The following KIT variants were observed in gnomAD, a reference collection of about 807,000 sequenced individuals.
KIT encodes the protein mast/stem cell growth factor receptor Kit.
A neutral mutation model predicts 105.7 loss-of-function variants in KIT; 16 were observed. That is an observed-to-expected ratio of 0.15 (90% confidence interval 0.10 to 0.23). The LOEUF is 0.23. KIT is among the 10% of genes least tolerant of loss of function. KIT has a pLI of 1.00. For missense variants in KIT, 858 were observed against 1,213.8 expected (o/e 0.71, Z 4.36); for synonymous variants, 438 against 441.1 (o/e 0.99, Z 0.09).
chr4:54,726,779 ATGTT>A (rs1264721681), intron 9 of KIT, among the ~76,000 whole-genome samples: 1 of 149,198 alleles, frequency 6.7e-6, no homozygotes, highest in African/African-American at 2.5e-5. Flanking sequence ...TACCTTAAAA[ATGTT>A]TTTTTTTTTT....
At chr4:54,707,018 T>C in intron 5 of KIT, 80 bp from the exon 6 acceptor site, 2 of 777,488 alleles carry the variant, frequency 2.6e-6, no homozygotes, top group Non-Finnish European at 4.3e-6. Flanking sequence ...ATTGTTTTTG[T>C]AATTCCAAGA....
At chr4:54,720,177 C>T (rs62306777) in intron 7 of KIT, among the ~76,000 whole-genome samples, 1,867 of 152,214 alleles carry the variant, frequency 0.012, 18 homozygotes, top group Admixed American at 0.017. Flanking sequence ...CTTACTAGAT[C>T]TCTGGAGGTG....
At chr4:54,726,489 CA>C (rs2109771345) in intron 9 of KIT, among the ~76,000 whole-genome samples, 1 of 152,304 alleles carries the variant, frequency 6.6e-6, no homozygotes, top group African/African-American at 2.4e-5. Context: ...GTCATGTTAG[CA>C]AGTTATTTCT....
intron 7 of KIT, among the ~76,000 whole-genome samples, chr4:54,712,143 CTTTCTT>C (rs1721202174): frequency 6.6e-6 from 1 of 152,158 alleles, no homozygotes; most frequent in Non-Finnish European, 1.5e-5. Context: ...TGTTAAAAGA[CTTTCTT>C]TTCTAAGATT....
At position 54,723,608 on chromosome 4, in the gene KIT, A is replaced by C; in HGVS notation, c.1256A>C (p.Asp419Ala). The C allele has an allele frequency of 6.2e-7, 1 of 1,614,004 alleles. No individual in the cohort carries two copies. The highest frequency in any genetic ancestry group is 8.5e-7 in the Non-Finnish European group (1 of 1,179,892). ...VNTKPEILTY[D>A]RLVNGMLQCV... Reference sequence around the variant, plus strand: ...GCAAAACCAGAAATCCTGACTTACGACAGGCTCGTGAATGGCATGCTCCAA... The same window carrying C: ...GCAAAACCAGAAATCCTGACTTACGCCAGGCTCGTGAATGGCATGCTCCAA... The change falls in exon 8 of 21, where the codon GAC becomes GCC. Residue 419 changes from aspartate (D) to alanine (A), a missense_variant. Around this residue, in one of 7 missense-constraint regions of KIT, gnomAD observed 401 missense variants for 601.0 expected, o/e 0.67. Transcript: ENST00000288135.
intron 1 of KIT, among the ~76,000 whole-genome samples, chr4:54,678,294 T>C (rs1718632933): frequency 3.8e-5 from 1 of 26,392 alleles, no homozygotes; most frequent in Non-Finnish European, 7.3e-5. Context: ...GGCTCGCTCC[T>C]TCCTTCCTTC....
intron 1 of KIT, among the ~76,000 whole-genome samples, chr4:54,665,140 TTGTC>T (rs1277356421): frequency 6.6e-6 from 1 of 152,186 alleles, no homozygotes; most frequent in African/African-American, 2.4e-5. Context: ...CATACTGAAT[TTGTC>T]TGTTTTTTGA....
chr4:54,675,236 C>T (rs1286381108), intron 1 of KIT, among the ~76,000 whole-genome samples: 1 of 152,114 alleles, frequency 6.6e-6, no homozygotes, highest in Non-Finnish European at 1.5e-5. Flanking sequence ...TATCCTAAAG[C>T]CATATGAAGA....
At chr4:54,733,574 A>G (rs956296104) in intron 17 of KIT, among the ~76,000 whole-genome samples, 1 of 152,158 alleles carries the variant, frequency 6.6e-6, no homozygotes, top group Admixed American at 6.6e-5. Context: ...ATTAAAATCT[A>G]AGATCATATT....
chr4:54,684,965 A>G (rs994270224), intron 1 of KIT, among the ~76,000 whole-genome samples: 2 of 151,990 alleles, frequency 1.3e-5, no homozygotes, highest in Non-Finnish European at 1.5e-5. Context: ...CCAACCTACT[A>G]CCTTGTCCTG....
intron 1 of KIT, among the ~76,000 whole-genome samples, chr4:54,685,698 C>T (rs1719264986): frequency 6.6e-6 from 1 of 152,198 alleles, no homozygotes; most frequent in Non-Finnish European, 1.5e-5. Context: ...CTCACACCGG[C>T]AGCAATTCTG....
intron 1 of KIT, among the ~76,000 whole-genome samples, chr4:54,672,616 C>T (rs1372035107): frequency 6.6e-6 from 1 of 152,166 alleles, no homozygotes; most frequent in Non-Finnish European, 1.5e-5. Flanking sequence ...AAAAGGCAAT[C>T]AGCAAGCATA....
intron 1 of KIT, among the ~76,000 whole-genome samples, chr4:54,661,126 TA>T (rs1350465680): frequency 1.3e-5 from 2 of 152,298 alleles, no homozygotes; most frequent in South Asian, 4.1e-4. Context: ...GCAAGCCAGT[TA>T]AAAATCCATC....
At chr4:54,665,958 T>C (rs376780780) in intron 1 of KIT, among the ~76,000 whole-genome samples, 8 of 152,082 alleles carry the variant, frequency 5.3e-5, no homozygotes, top group African/African-American at 1.9e-4. Context: ...TGAAAAGGAG[T>C]GTATACTAGG....
In KIT at chr4:54,698,501, T is replaced by C. The variant is rs1227095960; in HGVS notation, c.555T>C (p.His185=). 2 of 1,614,188 alleles carry C rather than the reference T, an allele frequency of 1.2e-6. No individual in the cohort carries two copies. Among genetic ancestry groups the C allele is most frequent in the Admixed American group, 3.3e-5 (2 of 60,028 alleles). ...VKRAYHRLCL[H]CSVDQEGKSV... ...GCGCCTACCATCGGCTCTGTCTGCA[T>C]TGTTCTGTGGACCAGGAGGGCAAGT... The change falls in exon 3 of 21, where the codon CAT becomes CAC. Residue 185 remains histidine, a synonymous_variant. Coordinates refer to ENST00000288135, the MANE Select transcript of KIT (RefSeq NM_000222.3).
rs369363616 is a variant in KIT at position 54,726,157 on chromosome 4, C to T, written c.1540+107C>T. ...ATTGACCATGTCATTTCTGGTAATA[C>T]ATGCATCACACCATACTGTCATCAA... On this transcript the variant is annotated intron_variant, in intron 9 of 20. Transcript: ENST00000288135. 13 of 867,598 alleles carry T rather than the reference C, an allele frequency of 1.5e-5. No homozygotes were observed. In the South Asian group the frequency reaches 1.7e-4, roughly 11 times the overall value. 53.7% of individuals were successfully genotyped at this position (867,598 alleles called of 1,614,324 possible).
At chr4:54,731,269 A>G (rs2109791714) in intron 14 of KIT, 59 bp from the exon 15 acceptor site, 4 of 1,142,794 alleles carry the variant, frequency 3.5e-6, no homozygotes, top group Non-Finnish European at 5.3e-6. Flanking sequence ...AGCATGACCC[A>G]TGAGTGCCCT....
At chr4:54,692,113 A>T (rs561635300) in intron 1 of KIT, among the ~76,000 whole-genome samples, 1 of 152,294 alleles carries the variant, frequency 6.6e-6, no homozygotes, top group South Asian at 2.1e-4. Flanking sequence ...TAGTATCCCC[A>T]CTTTACAGAT....
intron 1 of KIT, among the ~76,000 whole-genome samples, chr4:54,691,649 G>C (rs56037117): frequency 0.028 from 4,327 of 152,188 alleles, 201 homozygotes; most frequent in African/African-American, 0.099. Flanking sequence ...AGCTGCTGCT[G>C]CCTCTGTTGT....
Sources: gnomAD v4.1 joint callset for allele counts (sites outside exome capture counted in the v4.1 genomes callset) on GRCh38, gnomAD v4.1.1 for gene constraint, gnomAD v4.1.1 regional missense constraint, MANE v1.5 for transcripts, NCBI Gene and HGNC (gene_info 2026-07-23, HGNC 2026-07-21) for gene names.